ABLIM3: variants seen among roughly 807,000 people sequenced by gnomAD.
ABLIM3 encodes actin binding LIM protein family member 3, also known as actin-binding LIM protein 3.
ABLIM3 carries 61 observed loss-of-function variants against 109.5 expected under a neutral mutation model. The ratio of observed to expected loss-of-function variants is 0.56; its 90% CI spans 0.45 to 0.69. The LOEUF (loss-of-function observed/expected upper bound fraction) is 0.69. Ranked by LOEUF, ABLIM3 falls within the 30% of genes least tolerant of loss-of-function variation. The pLI is 0.00. For missense variants in ABLIM3, 796 were observed against 889.5 expected, an observed-to-expected ratio of 0.89 and a Z score of 1.34; for synonymous variants, 300 against 324.8, an observed-to-expected ratio of 0.92 and a Z score of 0.82.
rs73275755 is a variant in ABLIM3, at chr5:149,257,021, A to G, written c.1939-1270A>G. On this transcript the variant is annotated intron_variant, in intron 23 of 23. Coordinates refer to ENST00000309868, the MANE Select transcript of ABLIM3 (RefSeq NM_014945.5). ...AGGTATGGGGAAAATGTTAGTTCAC[A>G]TGGCCATGCGCCGTGGCTTACGCCT... Among the ~76,000 whole-genome samples the G allele has an allele frequency of 4.5e-3, 692 of 152,356 alleles. 6 individuals are homozygous for G. The highest frequency in any genetic ancestry group is 0.016 in the African/African-American group (657 of 41,588).
chr5:149,240,913 AC>A, intron 14 of ABLIM3, 139 bp downstream of exon 14: 1 of 733,496 alleles, frequency 1.4e-6, no homozygotes, highest in Non-Finnish European at 2.3e-6. Context: ...ACCTGCACCA[AC>A]CCTGTCCTCC....
intron 22 of ABLIM3, 131 bp from the exon 23 acceptor site, chr5:149,252,626 T>C (rs1199837775): frequency 2.7e-6 from 2 of 727,612 alleles, no homozygotes; most frequent in East Asian, 2.5e-5. Flanking sequence ...GAAGGGCAGA[T>C]CCAGCTCTTC....
Position 149,259,621 on chromosome 5 carries a change from G to A in ABLIM3, c.*1217G>A, listed in dbSNP as rs982851198. The A allele has an allele frequency of 6.5e-7, 1 of 1,528,672 alleles. No individual in the cohort carries two copies. Among genetic ancestry groups the A allele is most frequent in the Non-Finnish European group, 8.8e-7 (1 of 1,140,088 alleles). 94.7% of individuals were successfully genotyped at this position (1,528,672 alleles called of 1,614,324 possible). A position where few individuals can be genotyped will look rare whatever the true frequency, so the allele number is the denominator to read the frequency against. ...GCCAACACCGCTCATGGCCATCCTG[G>A]ATTTTCCCAGTGGCTTCCCTTCCTG... On this transcript the variant is annotated 3_prime_UTR_variant, in exon 24 of 24. Transcript: ENST00000309868.
intron 7 of ABLIM3, among the ~76,000 whole-genome samples, chr5:149,216,167 C>G (rs1021167370): frequency 1.2e-4 from 18 of 152,194 alleles, no homozygotes; most frequent in African/African-American, 4.3e-4. Flanking sequence ...ACCCACTGAG[C>G]CCTAAAAATC....
chr5:149,183,030 A>G (rs1000925326), intron 2 of ABLIM3, among the ~76,000 whole-genome samples: 3 of 152,246 alleles, frequency 2.0e-5, no homozygotes, highest in Non-Finnish European at 4.4e-5. Context: ...ATTTGGAGGC[A>G]GGGTCAGCCA....
chr5:149,185,307 C>T (rs927226295), intron 3 of ABLIM3, among the ~76,000 whole-genome samples: 4 of 152,116 alleles, frequency 2.6e-5, no homozygotes, highest in Non-Finnish European at 5.9e-5. Flanking sequence ...CCAGTGTCTC[C>T]ACATAGCTTT....
rs569830399 is a variant in ABLIM3 at position 149,259,759 on chromosome 5, C to T, written c.*1355C>T. On this transcript the variant is annotated 3_prime_UTR_variant, in exon 24 of 24. Coordinates refer to ENST00000309868, the MANE Select transcript of ABLIM3 (RefSeq NM_014945.5). ...GTTCCTTCTTGGAGAAGCCTTGAGT[C>T]GGACCATTTTGAGATCATGGAGGAA... 155 of 661,630 alleles carry T rather than the reference C, an allele frequency of 2.3e-4. No homozygotes were observed. The highest frequency in any genetic ancestry group is 3.6e-4 in the Admixed American group (13 of 35,858). 41.0% of individuals were successfully genotyped at this position (661,630 alleles called of 1,614,324 possible).
At chr5:149,166,616 A>T (rs983899570) in intron 2 of ABLIM3, among the ~76,000 whole-genome samples, 3 of 152,094 alleles carry the variant, frequency 2.0e-5, no homozygotes, top group Admixed American at 2.0e-4. Context: ...TTTCTTCCTC[A>T]CTCTTTAACC....
intron 3 of ABLIM3, among the ~76,000 whole-genome samples, chr5:149,185,069 T>C (rs949930635): frequency 4.6e-5 from 7 of 152,310 alleles, no homozygotes; most frequent in Non-Finnish European, 7.3e-5. Context: ...TGTTACAAAG[T>C]GGTAAAGGAT....
chr5:149,148,903 G>T (rs1452056636), intron 2 of ABLIM3, among the ~76,000 whole-genome samples: 1 of 152,052 alleles, frequency 6.6e-6, no homozygotes, highest in African/African-American at 2.4e-5. Context: ...CTTCACCAAG[G>T]CTGGCCTCCT....
rs1581084574 is a variant in ABLIM3 at position 149,188,689 on chromosome 5, A to G, written c.151+5100A>G. 2.0e-5 allele frequency among the ~76,000 whole-genome samples: 3 copies of G among 152,242 alleles called. No homozygotes were observed. In the South Asian group the frequency reaches 6.2e-4, roughly 32 times the overall value. ...GTACTAATCTCATCATGAGGGCCCC[A>G]CCCTTATGATCTCATCTAAACCTAA... is the stretch of plus-strand genomic sequence containing the variant. On this transcript the variant is annotated intron_variant, in intron 3 of 23. Transcript: ENST00000309868.
intron 5 of ABLIM3, among the ~76,000 whole-genome samples, chr5:149,201,852 G>A (rs539934737): frequency 2.0e-5 from 3 of 151,974 alleles, no homozygotes; most frequent in African/African-American, 7.2e-5. Flanking sequence ...AGCCTGAGTC[G>A]GGAGGCTGCC....
At chr5:149,172,160 C>A (rs1480886092) in intron 2 of ABLIM3, among the ~76,000 whole-genome samples, 4 of 152,064 alleles carry the variant, frequency 2.6e-5, no homozygotes, top group Admixed American at 2.6e-4. Flanking sequence ...ATGTGTGCAA[C>A]CCATTGCCAG....
rs554719447 is a variant in ABLIM3, at chr5:149,198,682, C to T, written c.335+280C>T. 6.6e-6 allele frequency among the ~76,000 whole-genome samples: 1 copy of T among 152,328 alleles called. No homozygotes were observed. The highest frequency in any genetic ancestry group is 6.5e-5 in the Admixed American group (1 of 15,314). ...CTCTAAACTCAGCCTCCCAATTCCTCTCAAAAGGCCCCCAAAGAAACCACT... is the reference window on the plus strand; with the variant it reads ...CTCTAAACTCAGCCTCCCAATTCCTTTCAAAAGGCCCCCAAAGAAACCACT... On this transcript the variant is annotated intron_variant, in intron 4 of 23. Transcript: ENST00000309868. This position sits in a 1 kb window ranked among gnomAD's most constrained non-coding sequence, Gnocchi z 4.2.
In ABLIM3 at chr5:149,233,212, C is replaced by T; in HGVS notation, c.817-17C>T. On this transcript the variant is annotated splice_polypyrimidine_tract_variant and intron_variant, in intron 9 of 23. Coordinates refer to ENST00000309868, the MANE Select transcript of ABLIM3 (RefSeq NM_014945.5). ...GGTTGCAGCTTCTCACCTTTTCTGT[C>T]TTCATCTCTCTCACAGCATAGACGG... is the stretch of plus-strand genomic sequence containing the variant. 6.2e-7 allele frequency: 1 copy of T among 1,613,876 alleles called. No individual in the cohort carries two copies. Among genetic ancestry groups the T allele is most frequent in the Non-Finnish European group, 8.5e-7 (1 of 1,179,758 alleles).
intron 2 of ABLIM3, among the ~76,000 whole-genome samples, chr5:149,172,936 G>T (rs1448985313): frequency 1.3e-5 from 2 of 152,236 alleles, no homozygotes; most frequent in Non-Finnish European, 2.9e-5. Context: ...CCTCCCTGAG[G>T]CCTCACAAAA....
rs548869504 is a variant in ABLIM3, at chr5:149,198,363, G to A, written c.296G>A (p.Arg99His). The A allele has an allele frequency of 1.8e-5, 29 of 1,613,570 alleles. No homozygotes were observed. In the East Asian group the frequency reaches 3.1e-4, roughly 17 times the overall value. The change falls in exon 4 of 24, where the codon CGC becomes CAC. Residue 99 changes from arginine to histidine, a missense_variant. Arg to His is a conservative substitution (Grantham distance 29). Transcript: ENST00000309868. This position sits in a 1 kb window ranked among gnomAD's most constrained non-coding sequence, Gnocchi z 4.2. ...GGCGAAGTCATCTCGGCCCTGGGCC[G>A]CACTTACCACCCCAAGTGCTTCGTG... is the stretch of plus-strand genomic sequence containing the variant. ...ITGEVISALG[R>H]TYHPKCFVCS...
At chr5:149,141,914 C>A in intron 1 of ABLIM3, 95 bp from the exon 2 acceptor site, 1 of 881,632 alleles carries the variant, frequency 1.1e-6, no homozygotes, top group Non-Finnish European at 1.8e-6. Context: ...GCCTTCAAGG[C>A]CAGGGGCTAC....
intron 10 of ABLIM3, among the ~76,000 whole-genome samples, chr5:149,237,008 GCTGTGAATTGGGATGTCCTCACT>G (rs1450361444): frequency 6.6e-6 from 1 of 152,208 alleles, no homozygotes; most frequent in Non-Finnish European, 1.5e-5. Context: ...CTTCAAGGAT[GCTGTGAATTGGGATGTCCTCACT>G]CTGTGGGATC....
Sources: gnomAD v4.1 joint callset for allele counts (sites outside exome capture counted in the v4.1 genomes callset) on GRCh38, gnomAD v4.1.1 for gene constraint, Gnocchi (gnomAD v3.1) non-coding constraint, MANE v1.5 for transcripts, NCBI Gene and HGNC (gene_info 2026-07-23, HGNC 2026-07-21) for gene names.